Variants in ALDH4A1 observed in about 807,000 individuals in gnomAD.
ALDH4A1 encodes the protein aldehyde dehydrogenase 4 family member A1.
Under a neutral mutation model 70.5 loss-of-function variants are expected in ALDH4A1, and 46 were observed. The ratio of observed to expected loss-of-function variants is 0.65; its 90% CI spans 0.51 to 0.83. The LOEUF (loss-of-function observed/expected upper bound fraction) is 0.83. Ranked by LOEUF, ALDH4A1 falls within the 40% of genes least tolerant of loss-of-function variation. The probability of loss-of-function intolerance (pLI) is 0.00; values close to 1 mark genes in which losing one functional copy is unlikely to be tolerated. For missense variants in ALDH4A1, 749 were observed against 766.5 expected (o/e 0.98, Z 0.27); for synonymous variants, 323 against 324.3 (o/e 1.00, Z 0.04).
intron 3 of ALDH4A1, among the ~76,000 whole-genome samples, chr1:18,889,127 C>T (rs1935333925): frequency 6.6e-6 from 1 of 152,192 alleles, no homozygotes; most frequent in Admixed American, 6.5e-5. Flanking sequence ...GCTGTGTGGC[C>T]CCCTCATGGC....
At chr1:18,888,415 C>A (rs947911820) in intron 3 of ALDH4A1, among the ~76,000 whole-genome samples, 2 of 152,204 alleles carry the variant, frequency 1.3e-5, no homozygotes, top group African/African-American at 2.4e-5. Context: ...ATGTCTCGTG[C>A]CACAGTGATC....
Position 18,889,413 on chromosome 1 carries a change from G to C in ALDH4A1, c.198C>G (p.Cys66Trp). The change falls in exon 3 of 15, where the codon TGC (cysteine) becomes TGG (tryptophan). Residue 66 changes from cysteine (C) to tryptophan (W), a missense_variant. Transcript: ENST00000375341. ...TCCACACCTCCTCATCCCCCACCAC[G>C]CATGGGATGGCTTCCATCCGGCCCT... Reference protein sequence around the residue: ...DLKGRMEAIPCVVGDEEVWTS... With the variant: ...DLKGRMEAIPWVVGDEEVWTS... 6.4e-7 allele frequency: 1 copy of C among 1,552,746 alleles called. No individual in the cohort carries two copies. Among genetic ancestry groups the C allele is most frequent in the Non-Finnish European group, 8.7e-7 (1 of 1,147,592 alleles).
chr1:18,886,128 A>G (rs1267236126), intron 4 of ALDH4A1, among the ~76,000 whole-genome samples: 1 of 151,690 alleles, frequency 6.6e-6, no homozygotes, highest in Admixed American at 6.6e-5. Context: ...CTAGCTTTCC[A>G]TCAATGGTGT....
chr1:18,883,134 G>A lies in ALDH4A1; in HGVS notation c.668C>T (p.Pro223Leu), dbSNP rs751780250. The A allele has an allele frequency of 3.7e-6, 6 of 1,613,156 alleles. No homozygotes were observed. The highest frequency in any genetic ancestry group is 2.2e-5 in the East Asian group (1 of 44,862). Residue 223 changes from proline to leucine, a missense_variant, in exon 7 of 15, where the codon CCG becomes CTG. Pro to Leu is a moderately conservative substitution (Grantham distance 98). Coordinates refer to ENST00000375341, the MANE Select transcript of ALDH4A1 (RefSeq NM_003748.4). ...TAIGGNLAGAPALMGNVVLWK... is the reference protein window; with the variant it reads ...TAIGGNLAGALALMGNVVLWK... ...GTGCCCACATCTCACCATCAGGGCC[G>A]GTGCCCCCGCCAGGTTGCCGCCGAT...
chr1:18,873,412 T>TGA (rs2100548078), intron 14 of ALDH4A1, among the ~76,000 whole-genome samples: 1 of 151,260 alleles, frequency 6.6e-6, no homozygotes, highest in South Asian at 2.1e-4. Flanking sequence ...TAATCACACA[T>TGA]GAGTTTATGC....
At chr1:18,897,176 G>T in intron 1 of ALDH4A1, 1 of 473,094 alleles carries the variant, frequency 2.1e-6, no homozygotes, top group Non-Finnish European at 4.4e-6. Flanking sequence ...GAGCATTTTG[G>T]ACTTTGGAAC....
rs754401096 is a variant in ALDH4A1 at position 18,872,930 on chromosome 1, T to C, written c.1607A>G (p.His536Arg). Residue 536 changes from histidine (H) to arginine (R), a missense_variant, in exon 15 of 15, where the codon CAC becomes CGC. Transcript: ENST00000375341. ...SGTNDKPGGP[H>R]YILRWTSPQV... The stretch of plus-strand genomic sequence containing the variant: ...CGGCGACGTCCAGCGCAGGATGTAG[T>C]GTGGGCCCCCTGGCTTGTCATTGGT... 5.0e-6 allele frequency: 8 copies of C among 1,613,910 alleles called. No individual in the cohort carries two copies. Among genetic ancestry groups the C allele is most frequent in the African/African-American group, 4.0e-5 (3 of 74,894 alleles).
At chr1:18,883,683 G>A (rs1322335334) in intron 5 of ALDH4A1, among the ~76,000 whole-genome samples, 1 of 152,224 alleles carries the variant, frequency 6.6e-6, no homozygotes, top group East Asian at 1.9e-4. Context: ...TCTGTAGCAG[G>A]CCAGGTACTT....
intron 1 of ALDH4A1, among the ~76,000 whole-genome samples, chr1:18,892,308 G>A (rs976089524): frequency 7.2e-5 from 11 of 152,146 alleles, no homozygotes; most frequent in African/African-American, 2.2e-4. Flanking sequence ...CTCTGGTGCC[G>A]TCTCAGACCC....
Position 18,875,473 on chromosome 1 carries a change from C to T in ALDH4A1, c.1369G>A (p.Val457Ile), listed in dbSNP as rs199828375. Residue 457 changes from valine (V) to isoleucine (I), a missense_variant, in exon 13 of 15, where the codon GTC becomes ATC. By Grantham distance (29) the Val-to-Ile change is conservative. Coordinates refer to ENST00000375341, the MANE Select transcript of ALDH4A1 (RefSeq NM_003748.4). ...EIFGPVLSVY[V>I]YPDDKYKETL... is the part of the protein sequence containing the mutation. ...TCCTTGTACTTGTCATCCGGGTAGA[C>T]GTACACAGACAGTACAGGCCCGAAG... is the stretch of plus-strand genomic sequence containing the variant. The T allele has an allele frequency of 1.2e-5, 19 of 1,614,006 alleles. No individual in the cohort carries two copies. Among genetic ancestry groups the T allele is most frequent in the Admixed American group, 3.3e-5 (2 of 60,004 alleles).
intron 9 of ALDH4A1, 122 bp from the exon 10 acceptor site, chr1:18,877,734 G>T: frequency 8.3e-7 from 1 of 1,208,734 alleles, no homozygotes. Context: ...GCAGCCCAGA[G>T]CGGGCGGAGG....
intron 12 of ALDH4A1, 103 bp from the exon 13 acceptor site, chr1:18,875,606 G>GGGAGA: frequency 6.3e-7 from 1 of 1,581,518 alleles, no homozygotes; most frequent in Non-Finnish European, 8.7e-7. Flanking sequence ...CCAGTCCCTG[G>GGGAGA]GCCTCAGTTT....
chr1:18,888,714 T>TGA (rs35939464), intron 3 of ALDH4A1, among the ~76,000 whole-genome samples: 3,305 of 152,312 alleles, frequency 0.022, 42 homozygotes, highest in Middle Eastern at 0.044. Context: ...AGGCCATGCT[T>TGA]GGACAGCTCC....
Position 18,880,024 on chromosome 1 carries a change from G to A in ALDH4A1, c.867-651C>T, listed in dbSNP as rs1375912327. 2.3e-5 allele frequency among the ~76,000 whole-genome samples: 2 copies of A among 86,360 alleles called. No homozygotes were observed. The highest frequency in any genetic ancestry group is 4.4e-5 in the Non-Finnish European group (2 of 45,436). 56.7% of individuals were successfully genotyped at this position (86,360 alleles called of 152,430 possible). A position where few individuals can be genotyped will look rare whatever the true frequency, so the allele number is the denominator to read the frequency against. On this transcript the variant is annotated intron_variant, in intron 8 of 14. Coordinates refer to ENST00000375341, the MANE Select transcript of ALDH4A1 (RefSeq NM_003748.4). This position sits in a 1 kb window ranked among gnomAD's most constrained non-coding sequence, Gnocchi z 5.1. The stretch of plus-strand genomic sequence containing the variant: ...TTATGGCCTTCCCACCTTTAAGCCC[G>A]CTGCTCATCAGAGCGTGGAGAATGG...
chr1:18,889,956 G>A (rs372711114), intron 2 of ALDH4A1, 56 bp downstream of exon 2: 1 of 1,417,916 alleles, frequency 7.1e-7, no homozygotes, highest in Non-Finnish European at 9.7e-7. Context: ...GGGCTGCTGG[G>A]GATGGCCTCT....
intron 1 of ALDH4A1, among the ~76,000 whole-genome samples, chr1:18,901,135 T>C (rs1364196850): frequency 6.6e-6 from 1 of 152,160 alleles, no homozygotes; most frequent in East Asian, 1.9e-4. Context: ...TCCATCTTCC[T>C]GAGTCTCAGA....
chr1:18,889,901 A>C, intron 2 of ALDH4A1, 111 bp downstream of exon 2: 2 of 956,592 alleles, frequency 2.1e-6, no homozygotes, highest in Non-Finnish European at 3.1e-6. Context: ...GGCTGGGAGC[A>C]AGGGTAGAAG....
intron 4 of ALDH4A1, 142 bp from the exon 5 acceptor site, chr1:18,885,770 AC>A: frequency 8.1e-7 from 1 of 1,234,440 alleles, no homozygotes; most frequent in Non-Finnish European, 1.1e-6. Flanking sequence ...GCCCCCTGCC[AC>A]CATAGCTGCC....
At chr1:18,890,207 C>G in intron 1 of ALDH4A1, 102 bp from the exon 2 acceptor site, 1 of 990,204 alleles carries the variant, frequency 1.0e-6, no homozygotes, top group South Asian at 1.4e-5. Context: ...GGTGGGCACC[C>G]AGAGCCTGAA....
Sources: allele counts gnomAD v4.1 joint callset (sites outside exome capture counted in the v4.1 genomes callset), GRCh38; gene constraint gnomAD v4.1.1; non-coding constraint Gnocchi (gnomAD v3.1); transcripts MANE v1.5; gene names NCBI Gene and HGNC (gene_info 2026-07-23, HGNC 2026-07-21).